ADAMTS6: variants seen among roughly 807,000 people sequenced by gnomAD.
ADAMTS6 encodes the protein ADAM metallopeptidase with thrombospondin type 1 motif 6.
Under a neutral mutation model 144.3 loss-of-function variants are expected in ADAMTS6, and 23 were observed. That is an observed-to-expected ratio of 0.16 (90% CI 0.11 to 0.23). The LOEUF (loss-of-function observed/expected upper bound fraction) is 0.23, where lower values mean the gene tolerates loss of function less well. Among genes scored for constraint, ADAMTS6 ranks in the 10% least tolerant of loss-of-function variants. The pLI is 1.00. For missense variants in ADAMTS6, 999 were observed against 1,379.6 expected (o/e 0.72, Z 4.37); for synonymous variants, 444 against 457.5 (o/e 0.97, Z 0.38).
intron 7 of ADAMTS6, among the ~76,000 whole-genome samples, chr5:65,371,692 A>G (rs1274084490): frequency 1.3e-5 from 2 of 152,178 alleles, no homozygotes; most frequent in Non-Finnish European, 2.9e-5. Flanking sequence ...GTTGGAAAAC[A>G]CTCTGCAGGA....
intron 7 of ADAMTS6, among the ~76,000 whole-genome samples, chr5:65,344,750 C>A (rs1748161763): frequency 2.0e-5 from 3 of 151,850 alleles, no homozygotes; most frequent in Admixed American, 2.0e-4. Flanking sequence ...TCTGTCCTCT[C>A]TTTTCAGTCT....
At chr5:65,184,444 TC>T (rs1321553246) in intron 22 of ADAMTS6, among the ~76,000 whole-genome samples, 43 of 152,226 alleles carry the variant, frequency 2.8e-4, no homozygotes, top group South Asian at 4.1e-4. Flanking sequence ...TTCCCCATCT[TC>T]CGTAAGTAAT....
At chr5:65,253,167 C>T (rs755434710) in intron 14 of ADAMTS6, among the ~76,000 whole-genome samples, 6 of 152,270 alleles carry the variant, frequency 3.9e-5, no homozygotes, top group Non-Finnish European at 8.8e-5. Context: ...GGATTGATTA[C>T]AGCTGTGAGC....
chr5:65,396,593 C>T (rs1753358734), intron 7 of ADAMTS6, among the ~76,000 whole-genome samples: 4 of 152,160 alleles, frequency 2.6e-5, no homozygotes, highest in Admixed American at 2.6e-4. Context: ...TCTTATCGTC[C>T]ATCGGATAAG....
chr5:65,426,759 T>C (rs1756569804), intron 7 of ADAMTS6, among the ~76,000 whole-genome samples: 1 of 150,840 alleles, frequency 6.6e-6, no homozygotes, highest in Non-Finnish European at 1.5e-5. Flanking sequence ...GGAGGATAAA[T>C]GAGAAAGTCA....
chr5:65,207,134 C>T (rs1756159056), intron 20 of ADAMTS6, among the ~76,000 whole-genome samples: 1 of 152,178 alleles, frequency 6.6e-6, no homozygotes, highest in Non-Finnish European at 1.5e-5. Context: ...TCCTTCCTAA[C>T]TCCTCAGTAA....
At chr5:65,457,677 A>G (rs559669929) in intron 4 of ADAMTS6, among the ~76,000 whole-genome samples, 3 of 152,070 alleles carry the variant, frequency 2.0e-5, no homozygotes, top group East Asian at 3.9e-4. Context: ...CATATTATGG[A>G]AAAATGATAG....
intron 3 of ADAMTS6, among the ~76,000 whole-genome samples, chr5:65,464,186 G>A (rs1759828319): frequency 6.6e-6 from 1 of 152,164 alleles, no homozygotes; most frequent in Non-Finnish European, 1.5e-5. Context: ...CACATACCCT[G>A]AATCCCTTTG....
chr5:65,360,412 C>G (rs551256865), intron 7 of ADAMTS6, among the ~76,000 whole-genome samples: 2 of 152,108 alleles, frequency 1.3e-5, no homozygotes, highest in African/African-American at 4.8e-5. Flanking sequence ...AATACAGATC[C>G]AAATCATATC....
chr5:65,289,841 T>C (rs1447552896), intron 11 of ADAMTS6, among the ~76,000 whole-genome samples: 1 of 152,172 alleles, frequency 6.6e-6, no homozygotes, highest in African/African-American at 2.4e-5. Context: ...TAGATATGAA[T>C]AATCTAACAG....
intron 7 of ADAMTS6, among the ~76,000 whole-genome samples, chr5:65,393,198 C>A (rs1477246367): frequency 6.6e-6 from 1 of 152,132 alleles, no homozygotes; most frequent in African/African-American, 2.4e-5. Flanking sequence ...TAAAATATTA[C>A]ATGTATTGGA....
At chr5:65,318,194 AGTTAAAATG>A (rs1745206824) in intron 9 of ADAMTS6, among the ~76,000 whole-genome samples, 1 of 152,176 alleles carries the variant, frequency 6.6e-6, no homozygotes, top group South Asian at 2.1e-4. Flanking sequence ...ATCTCACCCC[AGTTAAAATG>A]GCTTATATCC....
intron 14 of ADAMTS6, 143 bp from the exon 15 acceptor site, chr5:65,242,349 A>G (rs1759262903): frequency 7.6e-6 from 4 of 528,200 alleles, no homozygotes; most frequent in Non-Finnish European, 1.3e-5. Flanking sequence ...ACTGTTTTAC[A>G]ATCCGTATTC....
chr5:65,443,833 A>G (rs1442125358), intron 7 of ADAMTS6, among the ~76,000 whole-genome samples: 2 of 151,782 alleles, frequency 1.3e-5, no homozygotes, highest in Non-Finnish European at 2.9e-5. Flanking sequence ...TCAACCAGAC[A>G]AAGCGCATCA....
chr5:65,334,019 AAAAAAAAC>A lies in ADAMTS6; in HGVS notation c.1117+15_1117+22del, dbSNP rs1328899879. On this transcript the variant is annotated intron_variant, in intron 8 of 24. Transcript: ENST00000381055. The stretch of plus-strand genomic sequence containing the variant: ...TATTAAAAAAAAAAAAAAAAAAAAA[AAAAAAAAC>A]CAAAAAAAACTTACCCAGTGTTCCA... The A allele has an allele frequency of 1.6e-5, 22 of 1,361,402 alleles. No homozygotes were observed. Among genetic ancestry groups the A allele is most frequent in the African/African-American group, 1.5e-4 (9 of 61,906 alleles). 84.3% of individuals were successfully genotyped at this position (1,361,402 alleles called of 1,614,324 possible).
intron 7 of ADAMTS6, among the ~76,000 whole-genome samples, chr5:65,359,787 TAG>T: frequency 6.6e-6 from 1 of 151,850 alleles, no homozygotes; most frequent in Non-Finnish European, 1.5e-5. Flanking sequence ...CTGATTCGTG[TAG>T]AGTCTAAAAA....
At chr5:65,463,075 TC>T (rs1759744787) in intron 3 of ADAMTS6, among the ~76,000 whole-genome samples, 2 of 120,706 alleles carry the variant, frequency 1.7e-5, no homozygotes, top group Admixed American at 8.1e-5. Context: ...CAAGACTCCG[TC>T]TAAAAAAAAA....
At chr5:65,381,064 T>C (rs1369829388) in intron 7 of ADAMTS6, among the ~76,000 whole-genome samples, 1 of 152,212 alleles carries the variant, frequency 6.6e-6, no homozygotes, top group Non-Finnish European at 1.5e-5. Context: ...TATAACCCTA[T>C]AAATACAGTA....
chr5:65,285,951 C>T (rs1173713500), intron 11 of ADAMTS6, among the ~76,000 whole-genome samples: 1 of 152,166 alleles, frequency 6.6e-6, no homozygotes, highest in South Asian at 2.1e-4. Context: ...GGAAGAGAAA[C>T]TGGCATTTGA....
Sources: gnomAD v4.1 joint callset for allele counts (sites outside exome capture counted in the v4.1 genomes callset) on GRCh38, gnomAD v4.1.1 for gene constraint, MANE v1.5 for transcripts, NCBI Gene and HGNC (gene_info 2026-07-23, HGNC 2026-07-21) for gene names.